Variants in PCDHGB2 observed in about 807,000 individuals in gnomAD.
PCDHGB2 encodes the protein protocadherin gamma-B2.
PCDHGB2 carries 55 observed loss-of-function variants against 59.3 expected under a neutral mutation model. The observed-to-expected ratio is 0.93, with a 90% CI of 0.75 to 1.16. The LOEUF is 1.16. Ranked by LOEUF, PCDHGB2 falls within the 50% of genes most tolerant of loss-of-function variation. The pLI is 0.00. For synonymous variants in PCDHGB2, 516 were observed against 512.0 expected, an observed-to-expected ratio of 1.01 and a Z score of -0.11; for missense variants, 1,228 against 1,198.5, an observed-to-expected ratio of 1.02 and a Z score of -0.36.
intron 1 of PCDHGB2, among the ~76,000 whole-genome samples, chr5:141,482,554 A>T (rs997707871): frequency 4.1e-5 from 6 of 146,884 alleles, no homozygotes; most frequent in Non-Finnish European, 6.0e-5. Flanking sequence ...AAAAAAGATA[A>T]TGGAGATCTG....
intron 1 of PCDHGB2, among the ~76,000 whole-genome samples, chr5:141,447,895 G>A (rs931589569): frequency 1.3e-5 from 2 of 152,068 alleles, no homozygotes; most frequent in Non-Finnish European, 2.9e-5. Context: ...AGACCAGCCT[G>A]GCCAACATGG....
intron 1 of PCDHGB2, chr5:141,413,478 T>C (rs755324008): frequency 6.2e-7 from 1 of 1,614,074 alleles, no homozygotes; most frequent in East Asian, 2.2e-5. Flanking sequence ...AGCTCTGCGC[T>C]CAGAGCGCGC....
Position 141,487,613 on chromosome 5 carries a change from G to C in PCDHGB2, c.2422-7194G>C, listed in dbSNP as rs1460090760. 1 of 1,614,218 alleles carries C rather than the reference G, an allele frequency of 6.2e-7. No homozygotes were observed. ...ACCCTCTGATCTTCTCTATGGGCTA[G>C]AGGTGAGACCTTTGCAGGCTCAACA... On this transcript the variant is annotated intron_variant, in intron 1 of 3. Coordinates refer to ENST00000522605, the MANE Select transcript of PCDHGB2 (RefSeq NM_018923.3). The surrounding 1 kb of genome is among the most constrained non-coding windows in gnomAD (Gnocchi z 5.0).
chr5:141,435,853 T>C (rs1034164236), intron 1 of PCDHGB2, among the ~76,000 whole-genome samples: 1 of 152,110 alleles, frequency 6.6e-6, no homozygotes, highest in African/African-American at 2.4e-5. Context: ...AAAGATACAA[T>C]AGTTAAAACC....
At chr5:141,399,936 C>T (rs1370105984) in intron 1 of PCDHGB2, 2 of 1,612,268 alleles carry the variant, frequency 1.2e-6, no homozygotes, top group Non-Finnish European at 8.5e-7. Flanking sequence ...TGTCCTACCA[C>T]GTGCTGCAGG....
intron 1 of PCDHGB2, among the ~76,000 whole-genome samples, chr5:141,473,191 G>A (rs28479996): frequency 0.019 from 2,957 of 152,242 alleles, 87 homozygotes; most frequent in African/African-American, 0.062. Context: ...AGGAGTAAAT[G>A]TATCTTCTAA....
At chr5:141,425,805 C>T (rs1419480761) in intron 1 of PCDHGB2, among the ~76,000 whole-genome samples, 1 of 152,158 alleles carries the variant, frequency 6.6e-6, no homozygotes, top group African/African-American at 2.4e-5. Context: ...TGCATTGCTT[C>T]TGCTTAGAAA....
Position 141,372,600 on chromosome 5 carries a change from G to C in PCDHGB2, c.2421+10044G>C, listed in dbSNP as rs770114948. ...TCAGCCTGGTGTCTGCTTCAAGACT[G>C]TACCTGGAGTTCTCCCCACCTACAG... On this transcript the variant is annotated intron_variant, in intron 1 of 3. Coordinates refer to ENST00000522605, the MANE Select transcript of PCDHGB2 (RefSeq NM_018923.3). 15 of 1,613,886 alleles carry C rather than the reference G, an allele frequency of 9.3e-6. No homozygotes were observed. Among genetic ancestry groups the C allele is most frequent in the South Asian group, 2.2e-5 (2 of 91,088 alleles).
In PCDHGB2 at chr5:141,360,392, T is replaced by G. The variant is rs765496414; in HGVS notation, c.257T>G (p.Val86Gly). ...AACCCAGAAAGCGGAGACTTACTTG[T>G]GAGTGACAGAATAGACCGAGAACAG... The part of the protein sequence containing the change: ...TVNPESGDLL[V>G]SDRIDREQIC... Residue 86 changes from valine (V) to glycine (G), a missense_variant, in exon 1 of 4, where the codon GTG (valine) becomes GGG (glycine). Around this residue, in one of 3 missense-constraint regions of PCDHGB2, gnomAD observed 781 missense variants for 721.6 expected, o/e 1.08. Coordinates refer to ENST00000522605, the MANE Select transcript of PCDHGB2 (RefSeq NM_018923.3). 106 of 1,613,788 alleles carry G rather than the reference T, an allele frequency of 6.6e-5. No homozygotes were observed. The highest frequency in any genetic ancestry group is 8.9e-5 in the Non-Finnish European group (105 of 1,179,838).
At position 141,489,800 on chromosome 5, in the gene PCDHGB2, A is replaced by T. The variant is rs2099692478; in HGVS notation, c.2422-5007A>T. 1 of 1,614,166 alleles carries T rather than the reference A, an allele frequency of 6.2e-7. No homozygotes were observed. Among genetic ancestry groups the T allele is most frequent in the Non-Finnish European group, 8.5e-7 (1 of 1,179,994 alleles). On this transcript the variant is annotated intron_variant, in intron 1 of 3. Coordinates refer to ENST00000522605, the MANE Select transcript of PCDHGB2 (RefSeq NM_018923.3). This position sits in a 1 kb window ranked among gnomAD's most constrained non-coding sequence, Gnocchi z 4.5. ...TCTCTGAATGTGAAGACCCTAAAAG[A>T]TGGGAAGCCATTCCCAGAGCTGGTG...
At chr5:141,388,351 C>A in intron 1 of PCDHGB2, 1 of 1,614,016 alleles carries the variant, frequency 6.2e-7, no homozygotes. Flanking sequence ...ATATTAGGAT[C>A]TGCCCATGAT....
chr5:141,376,310 G>A (rs1211342702), intron 1 of PCDHGB2: 5 of 1,613,822 alleles, frequency 3.1e-6, no homozygotes, highest in East Asian at 2.2e-5. Flanking sequence ...CTTTGTGGGC[G>A]TGGAAGGGGT....
Position 141,489,343 on chromosome 5 carries a change from G to A in PCDHGB2, c.2422-5464G>A, listed in dbSNP as rs377697321. On this transcript the variant is annotated intron_variant, in intron 1 of 3. Coordinates refer to ENST00000522605, the MANE Select transcript of PCDHGB2 (RefSeq NM_018923.3). This position sits in a 1 kb window ranked among gnomAD's most constrained non-coding sequence, Gnocchi z 4.5. ...GGTGTCTGGGCAGCTTCGTTACTCA[G>A]TGGTGGAGGAGTCTGAGCCGGGGAC... The A allele has an allele frequency of 5.6e-6, 9 of 1,611,264 alleles. No individual in the cohort carries two copies. Among genetic ancestry groups the A allele is most frequent in the Non-Finnish European group, 7.6e-6 (9 of 1,178,202 alleles).
chr5:141,398,009 C>G (rs1589315775), intron 1 of PCDHGB2: 1 of 1,400,564 alleles, frequency 7.1e-7, no homozygotes, highest in Non-Finnish European at 9.5e-7. Context: ...GAAAAAGAAT[C>G]GTTTCCTAAA....
At chr5:141,494,937 G>A (rs759078748) in intron 2 of PCDHGB2, 72 bp downstream of exon 2, 130 of 1,612,276 alleles carry the variant, frequency 8.1e-5, no homozygotes, top group Non-Finnish European at 1.1e-4. Context: ...GAGGAGATGG[G>A]GGAGGGCCCA....
rs2098995125 is a variant in PCDHGB2 at position 141,460,673 on chromosome 5, A to G, written c.2422-34134A>G. 2.6e-5 allele frequency among the ~76,000 whole-genome samples: 4 copies of G among 152,244 alleles called. No homozygotes were observed. The South Asian group carries it at 8.3e-4, about 32-fold the overall frequency. On this transcript the variant is annotated intron_variant, in intron 1 of 3. Coordinates refer to ENST00000522605, the MANE Select transcript of PCDHGB2 (RefSeq NM_018923.3). ...CATATGTAACTGTAAACACAGTTAT[A>G]TATCTATATATCCACCAACAGTTGA... is the stretch of plus-strand genomic sequence containing the variant.
At chr5:141,371,693 C>T in intron 1 of PCDHGB2, 1 of 1,614,066 alleles carries the variant, frequency 6.2e-7, no homozygotes, top group Non-Finnish European at 8.5e-7. Context: ...CACCGCTCTC[C>T]TCCAGCAAGA....
At chr5:141,422,375 TCTC>T in intron 1 of PCDHGB2, 1 of 1,570,814 alleles carries the variant, frequency 6.4e-7, no homozygotes, top group Non-Finnish European at 8.6e-7. Context: ...AATGGTCAAG[TCTC>T]CTGTTTTATT....
chr5:141,371,924 G>C (rs762943415), intron 1 of PCDHGB2: 1 of 1,613,364 alleles, frequency 6.2e-7, no homozygotes, highest in Admixed American at 1.7e-5. Flanking sequence ...TGAGCGCGCG[G>C]AGCGGGGTGG....
Sources: allele counts gnomAD v4.1 joint callset (sites outside exome capture counted in the v4.1 genomes callset), GRCh38; gene constraint gnomAD v4.1.1; regional missense constraint gnomAD v4.1.1; non-coding constraint Gnocchi (gnomAD v3.1); transcripts MANE v1.5; gene names NCBI Gene and HGNC (gene_info 2026-07-23, HGNC 2026-07-21).